The following CCSER1 variants were observed in gnomAD, a reference collection of about 807,000 sequenced individuals.
CCSER1 encodes coiled-coil serine rich protein 1, also known as serine-rich coiled-coil domain-containing protein 1.
In CCSER1, 41 loss-of-function variants were observed where a neutral mutation model predicts 82.0. That is an observed-to-expected ratio of 0.50 (90% confidence interval 0.39 to 0.65). The LOEUF (loss-of-function observed/expected upper bound fraction) is 0.65. CCSER1 is among the 30% of genes least tolerant of loss of function. CCSER1 has a pLI of 0.00. For missense variants in CCSER1, 1,119 were observed against 1,064.2 expected (o/e 1.05, Z -0.72); for synonymous variants, 414 against 383.9 (o/e 1.08, Z -0.92).
intron 10 of CCSER1, among the ~76,000 whole-genome samples, chr4:91,299,286 A>T (rs1037044419): frequency 1.2e-4 from 18 of 152,158 alleles, no homozygotes; most frequent in African/African-American, 4.1e-4. Flanking sequence ...TACAAATGGT[A>T]TATCTGTGGA....
chr4:91,105,697 C>A (rs1201528159), intron 10 of CCSER1, among the ~76,000 whole-genome samples: 3 of 151,976 alleles, frequency 2.0e-5, no homozygotes, highest in African/African-American at 7.3e-5. Context: ...GAGTGAGAAT[C>A]CATCTCAAAA....
chr4:90,158,759 G>A (rs912690995), intron 1 of CCSER1, among the ~76,000 whole-genome samples: 72 of 152,286 alleles, frequency 4.7e-4, no homozygotes, highest in African/African-American at 1.7e-3. Flanking sequence ...GGACTGACCC[G>A]ATTTTCCAGG....
intron 10 of CCSER1, among the ~76,000 whole-genome samples, chr4:91,585,761 A>G (rs1420845414): frequency 6.6e-6 from 1 of 151,520 alleles, no homozygotes; most frequent in Non-Finnish European, 1.5e-5. Flanking sequence ...AAACTCAAAG[A>G]TGGCTAATGT....
At chr4:90,322,944 G>A (rs552044796) in intron 3 of CCSER1, among the ~76,000 whole-genome samples, 2 of 152,218 alleles carry the variant, frequency 1.3e-5, no homozygotes, top group African/African-American at 4.8e-5. Context: ...TGATGTTTAC[G>A]CAAGGTCCAA....
chr4:91,299,902 G>C (rs1744534791), intron 10 of CCSER1, among the ~76,000 whole-genome samples: 2 of 151,618 alleles, frequency 1.3e-5, no homozygotes, highest in East Asian at 2.0e-4. Flanking sequence ...TGAACGACTT[G>C]CTACTCTGAT....
rs1391409072 is a variant in CCSER1 at position 91,370,067 on chromosome 4, CTATTTAACCATGTAGACCTTG to C, written c.2218-228503_2218-228483del. 1.7e-3 allele frequency among the ~76,000 whole-genome samples: 252 copies of C among 152,134 alleles called. 2 individuals carry two copies. Among genetic ancestry groups the C allele is most frequent in the African/African-American group, 5.3e-3 (222 of 41,520 alleles). On this transcript the variant is annotated intron_variant, in intron 10 of 10. Transcript: ENST00000509176. ...GTGGTTTCTTAAAATTGATACTAGT[CTATTTAACCATGTAGACCTTG>C]TGCTCAATCAATACCTGCTAACAAG...
At chr4:90,820,273 T>C (rs929526084) in intron 8 of CCSER1, among the ~76,000 whole-genome samples, 4 of 152,232 alleles carry the variant, frequency 2.6e-5, no homozygotes, top group Non-Finnish European at 5.9e-5. Flanking sequence ...AATACCACTG[T>C]ATGTTTTGGT....
chr4:91,225,305 TTATA>T (rs1230119796), intron 10 of CCSER1, among the ~76,000 whole-genome samples: 1 of 73,122 alleles, frequency 1.4e-5, no homozygotes, highest in Non-Finnish European at 2.5e-5. Context: ...TGTATATATA[TTATA>T]TATGTAATAT....
intron 1 of CCSER1, among the ~76,000 whole-genome samples, chr4:90,222,181 G>A (rs554907108): frequency 1.3e-5 from 2 of 152,160 alleles, no homozygotes; most frequent in East Asian, 1.9e-4. Context: ...GGAGAGGAGC[G>A]TATTTAGAAG....
intron 9 of CCSER1, among the ~76,000 whole-genome samples, chr4:90,943,981 C>T (rs1731919522): frequency 6.6e-6 from 1 of 151,656 alleles, no homozygotes; most frequent in Admixed American, 6.6e-5. Flanking sequence ...CGCCTGTAAT[C>T]CCAGCACTTT....
At chr4:91,337,350 G>A (rs1747394293) in intron 10 of CCSER1, among the ~76,000 whole-genome samples, 1 of 152,046 alleles carries the variant, frequency 6.6e-6, no homozygotes, top group Non-Finnish European at 1.5e-5. Flanking sequence ...CTGCGTTGTG[G>A]TCAAGTCTTG....
intron 8 of CCSER1, among the ~76,000 whole-genome samples, chr4:90,877,394 G>A (rs1767347525): frequency 6.6e-6 from 1 of 151,994 alleles, no homozygotes; most frequent in Non-Finnish European, 1.5e-5. Context: ...TATAATCCTG[G>A]AGGAAAGTAT....
At chr4:91,329,876 C>T (rs1310109461) in intron 10 of CCSER1, among the ~76,000 whole-genome samples, 2 of 152,090 alleles carry the variant, frequency 1.3e-5, no homozygotes, top group South Asian at 2.1e-4. Flanking sequence ...TATTTGGCTT[C>T]TCTCTTTTGT....
chr4:91,182,083 T>C (rs1243165311), intron 10 of CCSER1, among the ~76,000 whole-genome samples: 1 of 152,210 alleles, frequency 6.6e-6, no homozygotes, highest in Non-Finnish European at 1.5e-5. Flanking sequence ...TGACAGCTTC[T>C]TGATCTGTCC....
chr4:91,098,263 G>A (rs185080093), intron 10 of CCSER1, among the ~76,000 whole-genome samples: 1 of 152,156 alleles, frequency 6.6e-6, no homozygotes, highest in Admixed American at 6.5e-5. Context: ...ATCTTTTGAG[G>A]AATTAAATAT....
intron 7 of CCSER1, among the ~76,000 whole-genome samples, chr4:90,778,574 TA>T (rs916478621): frequency 1.3e-5 from 2 of 151,876 alleles, no homozygotes; most frequent in Non-Finnish European, 2.9e-5. Flanking sequence ...ACATATTTTT[TA>T]AAAAAATCTA....
chr4:91,388,185 A>C (rs1418819475), intron 10 of CCSER1, among the ~76,000 whole-genome samples: 1 of 152,014 alleles, frequency 6.6e-6, no homozygotes, highest in African/African-American at 2.4e-5. Context: ...CCAGCTTGAT[A>C]TGTTTCATTT....
At chr4:91,366,210 T>C (rs1028875533) in intron 10 of CCSER1, among the ~76,000 whole-genome samples, 5 of 152,132 alleles carry the variant, frequency 3.3e-5, no homozygotes, top group African/African-American at 1.2e-4. Flanking sequence ...TAGTAGAAAT[T>C]GGGTTTCACT....
chr4:91,231,193 G>T (rs1484261663), intron 10 of CCSER1, among the ~76,000 whole-genome samples: 1 of 151,646 alleles, frequency 6.6e-6, no homozygotes, highest in Non-Finnish European at 1.5e-5. Context: ...TAAAATAAGG[G>T]GAAACAAAGT....
Sources: gnomAD v4.1 joint callset for allele counts (sites outside exome capture counted in the v4.1 genomes callset) on GRCh38, gnomAD v4.1.1 for gene constraint, MANE v1.5 for transcripts, NCBI Gene and HGNC (gene_info 2026-07-23, HGNC 2026-07-21) for gene names.